The following CD55 variants were observed in gnomAD, a reference collection of about 807,000 sequenced individuals.
The protein encoded by CD55 is CD55 molecule (Cromer blood group), also known as complement decay-accelerating factor.
A neutral mutation model predicts 45.8 loss-of-function variants in CD55; 41 were observed. That is an observed-to-expected ratio of 0.90 (90% CI 0.70 to 1.16). The LOEUF is 1.16. CD55 is among the 50% of genes most tolerant of loss of function. CD55 has a pLI of 0.00. For synonymous variants in CD55, 181 were observed against 181.1 expected (o/e 1.00, Z 0.01); for missense variants, 416 against 469.8 (o/e 0.89, Z 1.06).
chr1:207,328,412 A>G (rs764570814), intron 5 of CD55, among the ~76,000 whole-genome samples: 2 of 152,232 alleles, frequency 1.3e-5, no homozygotes, highest in Non-Finnish European at 2.9e-5. Context: ...TTCTTAAACA[A>G]TGTACTGCTT....
At chr1:207,348,189 T>C (rs1299086863) in intron 9 of CD55, among the ~76,000 whole-genome samples, 1 of 152,216 alleles carries the variant, frequency 6.6e-6, no homozygotes, top group African/African-American at 2.4e-5. Flanking sequence ...CCACCAGCAA[T>C]GTATAAGTGT....
intron 9 of CD55, among the ~76,000 whole-genome samples, chr1:207,350,851 G>C (rs1655841316): frequency 6.6e-6 from 1 of 151,906 alleles, no homozygotes; most frequent in Non-Finnish European, 1.5e-5. Context: ...ATTTTATTCA[G>C]TTCAGCTCTG....
At chr1:207,330,537 C>G (rs1654896150) in intron 5 of CD55, among the ~76,000 whole-genome samples, 1 of 152,130 alleles carries the variant, frequency 6.6e-6, no homozygotes, top group African/African-American at 2.4e-5. Flanking sequence ...AATTTTTACT[C>G]TAGAAGTCAA....
At chr1:207,329,490 C>T (rs1047450058) in intron 5 of CD55, among the ~76,000 whole-genome samples, 2 of 152,154 alleles carry the variant, frequency 1.3e-5, no homozygotes, top group Admixed American at 1.3e-4. Context: ...CTTAAAAAGC[C>T]CAAATTCCTT....
intron 9 of CD55, among the ~76,000 whole-genome samples, chr1:207,357,858 A>G (rs1455382303): frequency 1.3e-5 from 2 of 152,184 alleles, no homozygotes; most frequent in Non-Finnish European, 2.9e-5. Flanking sequence ...GTACATACCT[A>G]TGAGATAAAG....
chr1:207,331,121 A>G lies in CD55; in HGVS notation c.678A>G (p.Pro226=). Reference sequence around the variant, plus strand: ...TTGTTTTTTAAGAAATTTATTGTCCAGCACCACCACAAATTGACAATGGAA... The same window carrying G: ...TTGTTTTTTAAGAAATTTATTGTCCGGCACCACCACAAATTGACAATGGAA... The part of the protein sequence containing the change: ...PLPECREIYC[P]APPQIDNGII... The change falls in exon 6 of 10, where the codon CCA becomes CCG. Residue 226 remains proline (P), a synonymous_variant. Coordinates refer to ENST00000367064, the MANE Select transcript of CD55 (RefSeq NM_000574.5). 19 of 1,611,758 alleles carry G rather than the reference A, an allele frequency of 1.2e-5. No homozygotes were observed. Among genetic ancestry groups the G allele is most frequent in the Non-Finnish European group, 1.4e-5 (17 of 1,178,730 alleles).
chr1:207,339,367 G>A (rs1655319559), intron 8 of CD55, 30 bp from the exon 9 acceptor site: 2 of 1,593,210 alleles, frequency 1.3e-6, no homozygotes, highest in Middle Eastern at 1.7e-4. Flanking sequence ...AATTTTTGTT[G>A]TTAATCCTTT....
chr1:207,349,318 G>A (rs1275051094), intron 9 of CD55, among the ~76,000 whole-genome samples: 1 of 151,746 alleles, frequency 6.6e-6, no homozygotes, highest in Admixed American at 6.6e-5. Flanking sequence ...AAGTAGCTAC[G>A]ATTACAGGTG....
At chr1:207,354,827 C>T (rs1442473163) in intron 9 of CD55, among the ~76,000 whole-genome samples, 1 of 152,124 alleles carries the variant, frequency 6.6e-6, no homozygotes, top group East Asian at 1.9e-4. Flanking sequence ...TCTGTTAAAC[C>T]ATCAGCCTCT....
intron 9 of CD55, among the ~76,000 whole-genome samples, chr1:207,356,636 G>C (rs1656086755): frequency 6.6e-6 from 1 of 152,152 alleles, no homozygotes; most frequent in African/African-American, 2.4e-5. Flanking sequence ...CAGACAAATG[G>C]GGGAAATATA....
chr1:207,353,437 A>G (rs1364939164), intron 9 of CD55, among the ~76,000 whole-genome samples: 1 of 152,190 alleles, frequency 6.6e-6, no homozygotes, highest in Non-Finnish European at 1.5e-5. Flanking sequence ...TTTATCCTTT[A>G]AACTTGAATA....
chr1:207,352,247 TG>T (rs1003497224), intron 9 of CD55, among the ~76,000 whole-genome samples: 6 of 144,634 alleles, frequency 4.1e-5, no homozygotes, highest in African/African-American at 1.5e-4. Flanking sequence ...TTTTTTTTTG[TG>T]GGGGGTGGGG....
At chr1:207,331,612 A>T (rs760983881) in intron 6 of CD55, among the ~76,000 whole-genome samples, 6 of 152,190 alleles carry the variant, frequency 3.9e-5, no homozygotes, top group Non-Finnish European at 8.8e-5. Context: ...CTTTGTTTAT[A>T]CAAAGAGATA....
chr1:207,350,285 C>T, intron 9 of CD55: 1 of 308,262 alleles, frequency 3.2e-6, no homozygotes, highest in Non-Finnish European at 6.3e-6. Context: ...AGGATTTTTG[C>T]ATTTACTTTC....
At chr1:207,341,726 T>C (rs1655434842) in intron 9 of CD55, among the ~76,000 whole-genome samples, 1 of 152,118 alleles carries the variant, frequency 6.6e-6, no homozygotes, top group African/African-American at 2.4e-5. Flanking sequence ...GTTAGCTCTT[T>C]GGACTCTTTT....
At position 207,324,566 on chromosome 1, in the gene CD55, C is replaced by T. The variant is rs28371603; in HGVS notation, c.294C>T (p.Cys98=). The change falls in exon 3 of 10, where the codon TGC becomes TGT. Residue 98 remains cysteine (C), a synonymous_variant. Transcript: ENST00000367064. The part of the protein sequence containing the change: ...SDIEEFCNRS[C]EVPTRLNSAS... ...TTTTGTTAATACTTTTAGGTAGCTG[C>T]GAGGTGCCAACAAGGCTAAATTCTG... The T allele has an allele frequency of 7.8e-4, 1,215 of 1,549,034 alleles. 3 individuals are homozygous for T. In the African/African-American group the frequency reaches 9.1e-3, roughly 12 times the overall value.
chr1:207,352,735 A>C (rs1479856926), intron 9 of CD55, among the ~76,000 whole-genome samples: 1 of 152,196 alleles, frequency 6.6e-6, no homozygotes, highest in East Asian at 1.9e-4. Context: ...TAAGGAAGTC[A>C]CTGCATGCAA....
At chr1:207,340,587 G>C in intron 9 of CD55, 1 of 692,538 alleles carries the variant, frequency 1.4e-6, no homozygotes. Flanking sequence ...GCCCAGGCTG[G>C]TTTCAAACTC....
At chr1:207,331,760 C>G (rs559713416) in intron 6 of CD55, among the ~76,000 whole-genome samples, 1 of 152,282 alleles carries the variant, frequency 6.6e-6, no homozygotes, top group African/African-American at 2.4e-5. Context: ...TCCAGAATTT[C>G]TATTATTATC....
Sources: allele counts gnomAD v4.1 joint callset (sites outside exome capture counted in the v4.1 genomes callset), GRCh38; gene constraint gnomAD v4.1.1; transcripts MANE v1.5; gene names NCBI Gene and HGNC (gene_info 2026-07-23, HGNC 2026-07-21).